STX8: variants seen among roughly 807,000 people sequenced by gnomAD.
STX8 encodes the protein syntaxin 8.
A neutral mutation model predicts 37.5 loss-of-function variants in STX8; 23 were observed. The ratio of observed to expected loss-of-function variants is 0.61; its 90% CI spans 0.44 to 0.87. STX8 has a LOEUF of 0.87. Among genes scored for constraint, STX8 ranks in the 40% least tolerant of loss-of-function variants. The probability of loss-of-function intolerance (pLI) is 0.00; values close to 1 mark genes in which losing one functional copy is unlikely to be tolerated. For synonymous variants in STX8, 115 were observed against 99.1 expected, an observed-to-expected ratio of 1.16 and a Z score of -0.95; for missense variants, 313 against 284.7, an observed-to-expected ratio of 1.10 and a Z score of -0.71.
chr17:9,293,203 T>C (rs1908378860), intron 7 of STX8, among the ~76,000 whole-genome samples: 2 of 152,228 alleles, frequency 1.3e-5, no homozygotes, highest in South Asian at 4.1e-4. Flanking sequence ...ACACATGCTA[T>C]AATTCATTTC....
chr17:9,298,530 G>A (rs1193459351), intron 7 of STX8, among the ~76,000 whole-genome samples: 1 of 152,008 alleles, frequency 6.6e-6, no homozygotes, highest in Non-Finnish European at 1.5e-5. Context: ...AAAAAAACCG[G>A]GCCAGCCATG....
intron 7 of STX8, among the ~76,000 whole-genome samples, chr17:9,299,085 G>C (rs1398190400): frequency 6.6e-6 from 1 of 152,004 alleles, no homozygotes; most frequent in Non-Finnish European, 1.5e-5. Context: ...ATTTCCCTTT[G>C]GCCTAGGAGT....
intron 7 of STX8, among the ~76,000 whole-genome samples, chr17:9,376,829 T>G (rs1911607301): frequency 6.6e-6 from 1 of 152,224 alleles, no homozygotes; most frequent in Non-Finnish European, 1.5e-5. Flanking sequence ...GCTTCATTCT[T>G]GAAGTCAGCG....
chr17:9,560,360 T>C lies in STX8; in HGVS notation c.118-2832A>G, dbSNP rs931315809. On this transcript the variant is annotated intron_variant, in intron 2 of 7. Coordinates refer to ENST00000306357, the MANE Select transcript of STX8 (RefSeq NM_004853.3). ...TTGCAGTGAGCAAAGATGATGCCAC[T>C]GTATTCCAGCCTGGGCGACAGAGCA... Among the ~76,000 whole-genome samples, 34 of 140,972 alleles carry C rather than the reference T, an allele frequency of 2.4e-4. No homozygotes were observed. The Admixed American group carries it at 2.5e-3, about 10-fold the overall frequency. 92.5% of individuals were successfully genotyped at this position (140,972 alleles called of 152,430 possible).
At chr17:9,482,891 G>A (rs370517359) in intron 6 of STX8, among the ~76,000 whole-genome samples, 3 of 152,250 alleles carry the variant, frequency 2.0e-5, no homozygotes, top group African/African-American at 7.2e-5. Flanking sequence ...TACAGCCTGG[G>A]TAACAAGAGC....
At position 9,462,105 on chromosome 17, in the gene STX8, G is replaced by A. The variant is rs73263571; in HGVS notation, c.541+29724C>T. On this transcript the variant is annotated intron_variant, in intron 6 of 7. Transcript: ENST00000306357. ...TGCAACCTGGTTCCTAGCAGGCCAC[G>A]TACCAGTACTGGTCCATGGCCAGGA... Among the ~76,000 whole-genome samples the A allele has an allele frequency of 8.8e-3, 1,332 of 152,226 alleles. 12 individuals are homozygous for A. Among genetic ancestry groups the A allele is most frequent in the African/African-American group, 0.031 (1,268 of 41,530 alleles).
At chr17:9,267,864 G>A (rs1360498196) in intron 7 of STX8, among the ~76,000 whole-genome samples, 3 of 152,054 alleles carry the variant, frequency 2.0e-5, no homozygotes, top group African/African-American at 7.2e-5. Context: ...GGTGGTGGGT[G>A]CCTGTAATCT....
intron 6 of STX8, among the ~76,000 whole-genome samples, chr17:9,436,152 C>T (rs570606641): frequency 1.3e-5 from 2 of 151,068 alleles, no homozygotes; most frequent in Admixed American, 1.3e-4. Flanking sequence ...TCCTGACTAA[C>T]ACGGTGAAAC....
chr17:9,291,746 G>T (rs531943609), intron 7 of STX8, among the ~76,000 whole-genome samples: 2 of 152,146 alleles, frequency 1.3e-5, no homozygotes, highest in Non-Finnish European at 2.9e-5. Context: ...TCTATCTTGG[G>T]ATAGGATTTG....
intron 7 of STX8, among the ~76,000 whole-genome samples, chr17:9,306,595 CAAAAAAAAAAA>C (rs71135963): frequency 2.0e-4 from 14 of 69,896 alleles, no homozygotes; most frequent in Non-Finnish European, 3.6e-4. Context: ...ACTAAAAATA[CAAAAAAAAAAA>C]AAAAAAAAAA....
chr17:9,250,620 C>T lies in STX8; in HGVS notation c.669G>A (p.Leu223=). 1 of 1,600,616 alleles carries T rather than the reference C, an allele frequency of 6.2e-7. No homozygotes were observed. Among genetic ancestry groups the T allele is most frequent in the Non-Finnish European group, 8.5e-7 (1 of 1,173,744 alleles). The part of the protein sequence containing the change: ...SCGMIMVILL[L]LVAIVVVAVW... ...CTGCAACAACCACGATAGCCACAAG[C>T]AGCAGTAAAATCACCATGATCATCC... Residue 223 remains leucine, a synonymous_variant, in exon 8 of 8, where the codon CTG becomes CTA. Transcript: ENST00000306357.
At position 9,568,449 on chromosome 17, in the gene STX8, A is replaced by G; in HGVS notation, c.39T>C (p.Thr13=). Residue 13 remains threonine, a synonymous_variant, in exon 2 of 8, where the codon ACT becomes ACC. Coordinates refer to ENST00000306357, the MANE Select transcript of STX8 (RefSeq NM_004853.3). ...CAGCAATTTCTTGGGCAATTTGACAAGTAGAATCGTATGTGGAGAACCTGC... is the reference window on the plus strand; with the variant it reads ...CAGCAATTTCTTGGGCAATTTGACAGGTAGAATCGTATGTGGAGAACCTGC... ...PDPWFSTYDS[T]CQIAQEIAEK... 2.5e-6 allele frequency: 4 copies of G among 1,612,806 alleles called. No individual in the cohort carries two copies. Among genetic ancestry groups the G allele is most frequent in the Non-Finnish European group, 3.4e-6 (4 of 1,179,868 alleles).
At chr17:9,485,102 A>G (rs1042714715) in intron 6 of STX8, among the ~76,000 whole-genome samples, 1 of 149,036 alleles carries the variant, frequency 6.7e-6, no homozygotes, top group Non-Finnish European at 1.5e-5. Context: ...CAGCCTGAGC[A>G]ACATGCCAAG....
intron 7 of STX8, among the ~76,000 whole-genome samples, chr17:9,358,700 G>A (rs887789783): frequency 6.6e-6 from 1 of 152,186 alleles, no homozygotes; most frequent in African/African-American, 2.4e-5. Flanking sequence ...CTGGCTGAAG[G>A]GTGGGATGCA....
At chr17:9,433,868 A>C (rs1914058047) in intron 6 of STX8, among the ~76,000 whole-genome samples, 1 of 152,186 alleles carries the variant, frequency 6.6e-6, no homozygotes, top group African/African-American at 2.4e-5. Flanking sequence ...TTTAGGTAAG[A>C]AAGATGCTCT....
intron 7 of STX8, among the ~76,000 whole-genome samples, chr17:9,317,593 G>A (rs1474941061): frequency 6.6e-6 from 1 of 151,854 alleles, no homozygotes; most frequent in Non-Finnish European, 1.5e-5. Flanking sequence ...GTGAAACCCC[G>A]TCTCTACTAA....
At chr17:9,446,197 G>A (rs1457876389) in intron 6 of STX8, among the ~76,000 whole-genome samples, 5 of 152,076 alleles carry the variant, frequency 3.3e-5, no homozygotes, top group Admixed American at 2.0e-4. Flanking sequence ...TTACATGGGG[G>A]CCAGGGACTA....
At chr17:9,387,371 C>T (rs1912048984) in intron 6 of STX8, among the ~76,000 whole-genome samples, 1 of 152,166 alleles carries the variant, frequency 6.6e-6, no homozygotes, top group Non-Finnish European at 1.5e-5. Context: ...TCTCGGCTCA[C>T]TGCAAGCTCC....
chr17:9,332,146 G>GA (rs1909981096), intron 7 of STX8, among the ~76,000 whole-genome samples: 1 of 152,150 alleles, frequency 6.6e-6, no homozygotes, highest in South Asian at 2.1e-4. Context: ...TTGTTACTAG[G>GA]ATTTCTTAGC....
Sources: allele counts gnomAD v4.1 joint callset (sites outside exome capture counted in the v4.1 genomes callset), GRCh38; gene constraint gnomAD v4.1.1; transcripts MANE v1.5; gene names NCBI Gene and HGNC (gene_info 2026-07-23, HGNC 2026-07-21).